PSRC1: variants seen among roughly 807,000 people sequenced by gnomAD.
PSRC1 encodes the protein proline and serine rich coiled-coil 1, also known as proline/serine-rich coiled-coil protein 1.
PSRC1 carries 30 observed loss-of-function variants against 31.9 expected under a neutral mutation model. The observed-to-expected ratio is 0.94, with a 90% CI of 0.70 to 1.28. The LOEUF (loss-of-function observed/expected upper bound fraction) is 1.28, where lower values mean the gene tolerates loss of function less well. Among genes scored for constraint, PSRC1 ranks in the 50% most tolerant of loss-of-function variants. The pLI, the probability that PSRC1 is intolerant of heterozygous loss-of-function variation, is 0.00. For missense variants in PSRC1, 481 were observed against 472.8 expected (o/e 1.02, Z -0.16); for synonymous variants, 191 against 192.1 (o/e 0.99, Z 0.05).
rs1056727569 is a variant in PSRC1 at position 109,280,044 on chromosome 1, C to T, written c.*109G>A. 6.8e-6 allele frequency: 10 copies of T among 1,462,078 alleles called. No homozygotes were observed. In the African/African-American group the frequency reaches 1.1e-4, roughly 16 times the overall value. 90.6% of individuals were successfully genotyped at this position (1,462,078 alleles called of 1,614,324 possible). On this transcript the variant is annotated 3_prime_UTR_variant, in exon 7 of 7. Coordinates refer to ENST00000409138, the Ensembl canonical transcript of PSRC1. ...CCAGCCCTGGTGGCATCTCTTCCTC[C>T]TGTCCCTGGGCCAGAATCTGCTGGA... is the stretch of plus-strand genomic sequence containing the variant.
At chr1:109,281,839 C>G in exon 4 of PSRC1, 1 of 1,613,908 alleles carries the variant, frequency 6.2e-7, no homozygotes, top group Non-Finnish European at 8.5e-7. Flanking sequence ...CAGGCCCTCG[C>G]CTGCGCTCTC....
rs548184454 is a variant in PSRC1, at chr1:109,282,081, G to A, written c.78-21C>T. 7.5e-6 allele frequency: 11 copies of A among 1,469,290 alleles called. No homozygotes were observed. In the South Asian group the frequency reaches 1.5e-4, roughly 20 times the overall value. The allele number at this position is 1,469,290 out of a possible 1,614,324, so 91.0% of individuals were successfully genotyped here. ...CACGGCTGAGACAGGAAACAAACCA[G>A]GCATCATGCCCATGCAAAAGGGAAC... is the stretch of plus-strand genomic sequence containing the variant. On this transcript the variant is annotated intron_variant, in intron 3 of 6. Transcript: ENST00000409138.
At position 109,280,503 on chromosome 1, in the gene PSRC1, A is replaced by G; in HGVS notation, c.995-14T>C. Reference sequence around the variant, plus strand: ...GGGAAACAGGAACTTCATGGGGGTTAACAAAAGAAATGAGTTAGCAGCAAG... The same window carrying G: ...GGGAAACAGGAACTTCATGGGGGTTGACAAAAGAAATGAGTTAGCAGCAAG... On this transcript the variant is annotated splice_polypyrimidine_tract_variant and intron_variant, in intron 5 of 6. Coordinates refer to ENST00000409138, the Ensembl canonical transcript of PSRC1. 1.2e-6 allele frequency: 2 copies of G among 1,600,520 alleles called. No homozygotes were observed. Among genetic ancestry groups the G allele is most frequent in the African/African-American group, 2.7e-5 (2 of 74,404 alleles).
chr1:109,282,932 C>T, intron 1 of PSRC1, 131 bp downstream of exon 1: 3 of 608,408 alleles, frequency 4.9e-6, no homozygotes, highest in Non-Finnish European at 8.7e-6. Flanking sequence ...TGCCCTGGAG[C>T]CGCCCTGCAT....
At chr1:109,280,426 G>A (rs998046996) in exon 6 of PSRC1, 2 of 1,613,246 alleles carry the variant, frequency 1.2e-6, no homozygotes, top group South Asian at 2.2e-5. Context: ...CACTTTCCTG[G>A]GGGGCTGCAG....
chr1:109,279,960 A>C (rs774821547), exon 7 of PSRC1: 2 of 698,722 alleles, frequency 2.9e-6, no homozygotes, highest in Middle Eastern at 4.1e-4. Context: ...AGAGAGTTTA[A>C]GTCTTCTCCA....
rs114175638 is a variant in PSRC1, at chr1:109,281,448, C to G, written c.519+171G>C. 1.2e-3 allele frequency: 923 copies of G among 747,528 alleles called. 9 individuals carry two copies. In the African/African-American group the frequency reaches 0.015, roughly 12 times the overall value. 46.3% of individuals were successfully genotyped at this position (747,528 alleles called of 1,614,324 possible). ...TTATTGAGTTTATCATAGACATATACTCAGACACTGTGGTAAGAGTTTTGG... is the reference window on the plus strand; with the variant it reads ...TTATTGAGTTTATCATAGACATATAGTCAGACACTGTGGTAAGAGTTTTGG... On this transcript the variant is annotated intron_variant, in intron 4 of 6. Coordinates refer to ENST00000409138, the Ensembl canonical transcript of PSRC1.
In PSRC1 at chr1:109,282,064, A is replaced by AGATGGT. The variant is rs1251535667; in HGVS notation, c.78-5_78-4insACCATC. The AGATGGT allele has an allele frequency of 6.7e-7, 1 of 1,483,068 alleles. No homozygotes were observed. The highest frequency in any genetic ancestry group is 1.4e-5 in the South Asian group (1 of 69,908). The allele number at this position is 1,483,068 out of a possible 1,614,324, so 91.9% of individuals were successfully genotyped here. On this transcript the variant is annotated splice_region_variant and splice_polypyrimidine_tract_variant and intron_variant, in intron 3 of 6. Transcript: ENST00000409138. ...TGTTATGTCTTCCTCCTCACGGCTG[A>AGATGGT]GACAGGAAACAAACCAGGCATCATG...
At chr1:109,280,281 C>T in intron 6 of PSRC1, 115 bp downstream of exon 7, 1 of 1,408,348 alleles carries the variant, frequency 7.1e-7, no homozygotes. Flanking sequence ...GCCCCAGGCT[C>T]CCCTCCTCTC....
At chr1:109,281,494 C>T (rs1453564424) in intron 4 of PSRC1, 125 bp downstream of exon 4, 18 of 944,796 alleles carry the variant, frequency 1.9e-5, no homozygotes, top group Non-Finnish European at 2.9e-5. Flanking sequence ...TCATGGTTCT[C>T]ATTTAATTCC....
chr1:109,281,032 TG>T lies in PSRC1; in HGVS notation c.738del (p.Ile247SerfsTer92). ...GGCTGTGGGGCCAGGACGGATCTGA[TG>T]GGGGTGGGTGGGCCTGGTGGAGAGG... On this transcript the variant is annotated frameshift_variant, in exon 5 of 7. Coordinates refer to ENST00000409138, the Ensembl canonical transcript of PSRC1. LOFTEE classifies it high-confidence loss of function. 1 of 1,516,106 alleles carries T rather than the reference TG, an allele frequency of 6.6e-7. No homozygotes were observed. The highest frequency in any genetic ancestry group is 9.0e-7 in the Non-Finnish European group (1 of 1,111,342). The allele number at this position is 1,516,106 out of a possible 1,614,324, so 93.9% of individuals were successfully genotyped here.
At position 109,280,952 on chromosome 1, in the gene PSRC1, A is replaced by G. The variant is rs75417653; in HGVS notation, c.819T>C (p.Ser273=). 2,668 of 1,613,142 alleles carry G rather than the reference A, an allele frequency of 1.7e-3. 44 individuals are homozygous for G. The East Asian group carries it at 0.036, about 22-fold the overall frequency. Residue 273 remains serine, a synonymous_variant, in exon 5 of 7, where the codon TCT becomes TCC. Transcript: ENST00000409138. ...CCGAGGGAATGGGCAGTTGACTGGA[A>G]GATTTAGCAGCTGCTCCCTGCGGCC...
At chr1:109,281,633 A>C (rs1248395677) in exon 4 of PSRC1, 1 of 1,611,564 alleles carries the variant, frequency 6.2e-7, no homozygotes, top group South Asian at 1.1e-5. Context: ...TTCATGTTGG[A>C]GGGCCTCTTT....
rs1001954216 is a variant in PSRC1 at position 109,282,749 on chromosome 1, C to G, written c.-33-18G>C. ...AGTTAGATCTGAGCTGGAGAGAAAC[C>G]ATACCTTTCCTCAGGTATCCATTCT... On this transcript the variant is annotated intron_variant, in intron 1 of 6. Transcript: ENST00000409138. The G allele has an allele frequency of 2.6e-6, 4 of 1,549,312 alleles. No homozygotes were observed. Among genetic ancestry groups the G allele is most frequent in the Non-Finnish European group, 3.5e-6 (4 of 1,146,584 alleles).
At chr1:109,281,191 G>T in exon 5 of PSRC1, 1 of 1,613,448 alleles carries the variant, frequency 6.2e-7, no homozygotes, top group South Asian at 1.1e-5. Flanking sequence ...GGAGTCGATC[G>T]GGTAAGAGGA....
At chr1:109,281,015 G>A (rs550864315) in exon 5 of PSRC1, 9 of 1,612,048 alleles carry the variant, frequency 5.6e-6, no homozygotes, top group South Asian at 1.1e-5. Context: ...AAGGCTGTGG[G>A]GCCAGGACGG....
At chr1:109,280,981 G>A (rs759346587) in exon 5 of PSRC1, 4 of 1,611,760 alleles carry the variant, frequency 2.5e-6, no homozygotes, top group Non-Finnish European at 3.4e-6. Context: ...TGCGGCCGGG[G>A]CAGGCGTTGA....
intron 1 of PSRC1, 61 bp from the exon 2 acceptor site, chr1:109,282,797 C>G: frequency 6.6e-7 from 1 of 1,518,740 alleles, no homozygotes; most frequent in Non-Finnish European, 8.9e-7. Context: ...CAGCTAGATT[C>G]AGGGTGCAAG....
At chr1:109,283,108 C>CTTTTAATATGGAAGATGAAAGAATA in exon 1 of PSRC1, 1 of 265,300 alleles carries the variant, frequency 3.8e-6, no homozygotes, top group South Asian at 5.8e-5. Context: ...TTATCTTCCA[C>CTTTTAATATGGAAGATGAAAGAATA]GCAACAGGCT....
Sources: gnomAD v4.1 joint callset for allele counts on GRCh38, gnomAD v4.1.1 for gene constraint, MANE v1.5 for transcripts, NCBI Gene and HGNC (gene_info 2026-07-23, HGNC 2026-07-21) for gene names.